TRDN: variants seen among roughly 807,000 people sequenced by gnomAD.
TRDN encodes triadin.
A neutral mutation model predicts 149.7 loss-of-function variants in TRDN; 161 were observed. The observed-to-expected ratio is 1.08, with a 90% confidence interval of 0.95 to 1.23. The LOEUF (loss-of-function observed/expected upper bound fraction) is 1.23. TRDN is among the 50% of genes most tolerant of loss of function. The pLI is 0.00. For missense variants in TRDN, 896 were observed against 823.5 expected, an observed-to-expected ratio of 1.09 and a Z score of -1.08; for synonymous variants, 294 against 250.5, an observed-to-expected ratio of 1.17 and a Z score of -1.64.
intron 9 of TRDN, among the ~76,000 whole-genome samples, chr6:123,468,451 G>A (rs1325420779): frequency 1.3e-5 from 2 of 152,082 alleles, no homozygotes; most frequent in African/African-American, 4.8e-5. Flanking sequence ...ATACTTTATT[G>A]TTCTGAGTTC....
chr6:123,382,128 T>C lies in TRDN; in HGVS notation c.1155A>G (p.Lys385=), dbSNP rs1582945725. ...EKKEDSKKTK[K]PAEVEQPKGK... is the part of the protein sequence containing the mutation. ...AAATATGTCCAGTACCTTCTGCAGG[T>C]TTTTTTGTTTTCTTGGAATCTGAAA... is the stretch of plus-strand genomic sequence containing the variant. Residue 385 remains lysine (K), a synonymous_variant, in exon 15 of 41, where the codon AAA becomes AAG. Coordinates refer to ENST00000334268, the MANE Select transcript of TRDN (RefSeq NM_006073.4). 6 of 1,494,432 alleles carry C rather than the reference T, an allele frequency of 4.0e-6. No individual in the cohort carries two copies. The highest frequency in any genetic ancestry group is 5.4e-6 in the Non-Finnish European group (6 of 1,120,614). 92.6% of individuals were successfully genotyped at this position (1,494,432 alleles called of 1,614,324 possible). A position where few individuals can be genotyped will look rare whatever the true frequency, so the allele number is the denominator to read the frequency against.
chr6:123,464,498 CT>C (rs757464806), intron 10 of TRDN: 76 of 995,448 alleles, frequency 7.6e-5, no homozygotes, highest in Non-Finnish European at 9.0e-5. Flanking sequence ...ATTTAAATAA[CT>C]TTCCAAATTT....
intron 21 of TRDN, chr6:123,350,253 T>C (rs1028737740): frequency 1.5e-5 from 14 of 962,658 alleles, no homozygotes; most frequent in Non-Finnish European, 1.7e-5. Context: ...TACTACATTA[T>C]TCTGTAATAA....
chr6:123,493,644 A>T (rs1174533457), intron 9 of TRDN, among the ~76,000 whole-genome samples: 1 of 152,220 alleles, frequency 6.6e-6, no homozygotes, highest in Admixed American at 6.5e-5. Flanking sequence ...AATAATTAAT[A>T]GTGAACTCTA....
At chr6:123,461,595 A>G (rs373524699) in intron 10 of TRDN, among the ~76,000 whole-genome samples, 35 of 152,304 alleles carry the variant, frequency 2.3e-4, no homozygotes, top group African/African-American at 7.9e-4. Context: ...TTAAAGATGA[A>G]TGGAATCATA....
At chr6:123,464,659 C>T in intron 10 of TRDN, 5 of 1,231,978 alleles carry the variant, frequency 4.1e-6, no homozygotes, top group African/African-American at 3.0e-5. Flanking sequence ...TTGCTTGATT[C>T]CCAAAGTGCT....
intron 21 of TRDN, among the ~76,000 whole-genome samples, chr6:123,342,643 T>A (rs772568399): frequency 4.6e-5 from 7 of 151,992 alleles, no homozygotes; most frequent in East Asian, 1.9e-4. Context: ...AAGAGATAAG[T>A]AACTTGCCCA....
At chr6:123,407,966 G>A (rs1773264970) in intron 12 of TRDN, among the ~76,000 whole-genome samples, 1 of 152,184 alleles carries the variant, frequency 6.6e-6, no homozygotes, top group South Asian at 2.1e-4. Flanking sequence ...ATAAGTCCTA[G>A]AGGTGCCTGG....
intron 5 of TRDN, among the ~76,000 whole-genome samples, chr6:123,522,540 G>T (rs12193176): frequency 8.2e-3 from 914 of 111,234 alleles, no homozygotes; most frequent in African/African-American, 0.014. Context: ...TTTTTTTTTT[G>T]CATTTTCCAA....
At chr6:123,448,686 C>T (rs766232058) in intron 10 of TRDN, among the ~76,000 whole-genome samples, 3 of 152,078 alleles carry the variant, frequency 2.0e-5, no homozygotes, top group Non-Finnish European at 4.4e-5. Context: ...ACGCCCACTA[C>T]TGGTCCCTCT....
At chr6:123,352,841 T>G (rs1456875777) in intron 20 of TRDN, among the ~76,000 whole-genome samples, 1 of 151,960 alleles carries the variant, frequency 6.6e-6, no homozygotes, top group Admixed American at 6.6e-5. Flanking sequence ...CACTCCGCTT[T>G]GATAAACAAG....
At chr6:123,501,908 A>T (rs1166052310) in intron 8 of TRDN, 17 of 981,228 alleles carry the variant, frequency 1.7e-5, no homozygotes, top group Non-Finnish European at 1.9e-5. Flanking sequence ...GAAAATAAAC[A>T]TTATTTTAAA....
chr6:123,588,095 C>T (rs550640462), intron 1 of TRDN, among the ~76,000 whole-genome samples: 1 of 152,060 alleles, frequency 6.6e-6, no homozygotes, highest in Non-Finnish European at 1.5e-5. Flanking sequence ...TTATCAGACC[C>T]CAAAAGGTGC....
chr6:123,426,638 A>G (rs1774129996), intron 12 of TRDN, among the ~76,000 whole-genome samples: 1 of 152,120 alleles, frequency 6.6e-6, no homozygotes, highest in South Asian at 2.1e-4. Context: ...CTACATCAGC[A>G]TGGTATCTTT....
At chr6:123,300,700 A>G (rs1314548033) in intron 24 of TRDN, among the ~76,000 whole-genome samples, 2 of 152,024 alleles carry the variant, frequency 1.3e-5, no homozygotes, top group African/African-American at 4.8e-5. Flanking sequence ...AATTAATTTT[A>G]GTTTTGTAAG....
At chr6:123,337,717 A>G (rs1348541674) in intron 21 of TRDN, 48 bp from the exon 22 acceptor site, 1 of 1,126,584 alleles carries the variant, frequency 8.9e-7, no homozygotes, top group Non-Finnish European at 1.2e-6. Context: ...ATAAGAGAGG[A>G]AAAAAATGCA....
intron 26 of TRDN, among the ~76,000 whole-genome samples, chr6:123,275,107 T>C (rs1333022657): frequency 6.6e-6 from 1 of 152,120 alleles, no homozygotes; most frequent in Non-Finnish European, 1.5e-5. Flanking sequence ...ATTGGGTACT[T>C]ACGTGATTTA....
chr6:123,423,467 G>A (rs1012174019), intron 12 of TRDN, among the ~76,000 whole-genome samples: 3 of 152,054 alleles, frequency 2.0e-5, no homozygotes, highest in Non-Finnish European at 4.4e-5. Context: ...GTGCAGCAAG[G>A]TGAGTTATAT....
At chr6:123,218,853 A>AG in intron 40 of TRDN, 113 bp from the exon 41 acceptor site, 5 of 1,146,900 alleles carry the variant, frequency 4.4e-6, no homozygotes, top group Non-Finnish European at 6.1e-6. Context: ...CAGCCTCCGT[A>AG]GCTGTTGGCA....
Sources: gnomAD v4.1 joint callset for allele counts (sites outside exome capture counted in the v4.1 genomes callset) on GRCh38, gnomAD v4.1.1 for gene constraint, MANE v1.5 for transcripts, NCBI Gene and HGNC (gene_info 2026-07-23, HGNC 2026-07-21) for gene names.